DNAI1: variants seen among roughly 807,000 people sequenced by gnomAD.
DNAI1 encodes dynein axonemal intermediate chain 1, also known as dynein, axonemal, intermediate polypeptide 1.
DNAI1 carries 67 observed loss-of-function variants against 92.0 expected under a neutral mutation model. The observed-to-expected ratio is 0.73, with a 90% CI of 0.60 to 0.89. DNAI1 has a LOEUF of 0.89. DNAI1 is among the 40% of genes least tolerant of loss of function. The pLI is 0.00. For synonymous variants in DNAI1, 323 were observed against 319.6 expected, an observed-to-expected ratio of 1.01 and a Z score of -0.11; for missense variants, 839 against 866.6, an observed-to-expected ratio of 0.97 and a Z score of 0.40.
chr9:34,510,960 T>C (rs1825054995), intron 13 of DNAI1, among the ~76,000 whole-genome samples: 1 of 152,196 alleles, frequency 6.6e-6, no homozygotes, highest in African/African-American at 2.4e-5. Context: ...GAAGCTCCGA[T>C]CCACCAGGCC....
intron 1 of DNAI1, among the ~76,000 whole-genome samples, chr9:34,482,504 T>C (rs1191519554): frequency 1.4e-5 from 2 of 147,262 alleles, no homozygotes; most frequent in African/African-American, 2.6e-5. Flanking sequence ...AGAGTGCTGA[T>C]TGGTGTATTT....
intron 1 of DNAI1, among the ~76,000 whole-genome samples, chr9:34,466,176 C>G (rs543862515): frequency 6.9e-6 from 1 of 145,162 alleles, no homozygotes; most frequent in Non-Finnish European, 1.5e-5. Flanking sequence ...CTGCACTACT[C>G]TGAACACTAA....
In DNAI1 at chr9:34,492,493, G is replaced by GATAGATAGATATATATAT. The variant is rs1554688186; in HGVS notation, c.682-698_682-697insGATAGATATATATATATA. On this transcript the variant is annotated intron_variant, in intron 8 of 19. Transcript: ENST00000242317. Reference sequence around the variant, plus strand: ...TCCGGGGTGGGGGTGGGGATATGAAGATATATATATATATATATATATATA... The same window carrying GATAGATAGATATATATAT: ...TCCGGGGTGGGGGTGGGGATATGAAGATAGATAGATATATATATATATATATATATATATATATATATA... Among the ~76,000 whole-genome samples the GATAGATAGATATATATAT allele has an allele frequency of 2.1e-4, 14 of 68,268 alleles. 1 individual carries two copies. The highest frequency in any genetic ancestry group is 1.8e-4 in the Non-Finnish European group (6 of 32,734). 44.8% of individuals were successfully genotyped at this position (68,268 alleles called of 152,430 possible).
intron 12 of DNAI1, among the ~76,000 whole-genome samples, chr9:34,501,728 A>T (rs1341670313): frequency 2.1e-5 from 3 of 145,140 alleles, no homozygotes; most frequent in Non-Finnish European, 4.5e-5. Context: ...AGGGATGGAG[A>T]CCCCCCCTTC....
chr9:34,513,239 C>A, intron 16 of DNAI1, 48 bp downstream of exon 16: 2 of 1,453,392 alleles, frequency 1.4e-6, no homozygotes, highest in Non-Finnish European at 1.9e-6. Context: ...TAGACCTGAG[C>A]ACCTGGGGAG....
intron 4 of DNAI1, among the ~76,000 whole-genome samples, chr9:34,486,001 G>A (rs574298822): frequency 3.9e-5 from 6 of 152,030 alleles, no homozygotes; most frequent in African/African-American, 1.4e-4. Context: ...CAGACAGGCC[G>A]GTGACCTCCT....
chr9:34,505,754 C>A (rs1252004984), intron 12 of DNAI1, among the ~76,000 whole-genome samples: 1 of 152,162 alleles, frequency 6.6e-6, no homozygotes, highest in Non-Finnish European at 1.5e-5. Context: ...ACTGACCTGG[C>A]CTGATGCCCC....
intron 1 of DNAI1, among the ~76,000 whole-genome samples, chr9:34,466,942 C>G (rs1292936113): frequency 6.6e-6 from 1 of 152,160 alleles, no homozygotes; most frequent in Non-Finnish European, 1.5e-5. Flanking sequence ...CCCTGTAGTC[C>G]TAGTTCAAAT....
intron 1 of DNAI1, among the ~76,000 whole-genome samples, chr9:34,477,922 C>CTT (rs1824268827): frequency 4.6e-5 from 4 of 86,964 alleles, no homozygotes; most frequent in African/African-American, 1.8e-4. Flanking sequence ...CTCTCTCTCT[C>CTT]TCTTTTTTTT....
intron 1 of DNAI1, among the ~76,000 whole-genome samples, chr9:34,471,499 G>A (rs958757870): frequency 1.3e-5 from 2 of 151,606 alleles, no homozygotes; most frequent in Admixed American, 1.3e-4. Flanking sequence ...TCCAGGCACA[G>A]TGGCTCAAGC....
rs1448098755 is a variant in DNAI1 at position 34,483,486 on chromosome 9, T to C, written c.81+6T>C. 1.2e-6 allele frequency: 2 copies of C among 1,611,402 alleles called. No individual in the cohort carries two copies. The highest frequency in any genetic ancestry group is 1.1e-5 in the South Asian group (1 of 91,016). On this transcript the variant is annotated splice_donor_region_variant and intron_variant, in intron 2 of 19. Coordinates refer to ENST00000242317, the MANE Select transcript of DNAI1 (RefSeq NM_012144.4). The stretch of plus-strand genomic sequence containing the variant: ...GCAGAGGAACCAGGAAGAGAGTAAG[T>C]GCTGAGACTACCATGGTCTCTCAGC...
intron 4 of DNAI1, 48 bp from the exon 5 acceptor site, chr9:34,489,275 C>G (rs1263599999): frequency 6.2e-7 from 1 of 1,610,468 alleles, no homozygotes; most frequent in Non-Finnish European, 8.5e-7. Context: ...CATTTTGACT[C>G]CAGCTCTTTT....
chr9:34,518,553 G>A (rs1825212810), intron 19 of DNAI1, among the ~76,000 whole-genome samples: 1 of 152,270 alleles, frequency 6.6e-6, no homozygotes, highest in African/African-American at 2.4e-5. Context: ...AGGGAGTCGG[G>A]CGTGGTCTGA....
chr9:34,492,849 CTT>C (rs1824637393), intron 8 of DNAI1, among the ~76,000 whole-genome samples: 1 of 151,856 alleles, frequency 6.6e-6, no homozygotes, highest in East Asian at 1.9e-4. Flanking sequence ...AGTTCAGAGT[CTT>C]TTAAATCACC....
At chr9:34,481,889 C>T (rs1251134614) in intron 1 of DNAI1, among the ~76,000 whole-genome samples, 2 of 152,224 alleles carry the variant, frequency 1.3e-5, no homozygotes, top group Non-Finnish European at 2.9e-5. Context: ...AAAGATTCCA[C>T]AGTGTGGAAG....
rs1824534386 is a variant in DNAI1, at chr9:34,489,350, G to A, written c.289G>A (p.Val97Met). Reference sequence around the variant, plus strand: ...AGGCACATATAAGCCTATTGGCTTTGTGAACCAACTGGCAGTTCACTACAC... The same window carrying A: ...AGGCACATATAAGCCTATTGGCTTTATGAACCAACTGGCAGTTCACTACAC... ...KEGTYKPIGF[V>M]NQLAVHYTQV... The change falls in exon 5 of 20, where the codon GTG becomes ATG. Residue 97 changes from valine (V) to methionine (M), a missense_variant. By Grantham distance (21) the Val-to-Met change is conservative. Coordinates refer to ENST00000242317, the MANE Select transcript of DNAI1 (RefSeq NM_012144.4). 6.2e-7 allele frequency: 1 copy of A among 1,613,974 alleles called. No homozygotes were observed. Among genetic ancestry groups the A allele is most frequent in the African/African-American group, 1.3e-5 (1 of 74,902 alleles).
chr9:34,490,446 C>G lies in DNAI1; in HGVS notation c.579C>G (p.Asn193Lys). 1 of 1,614,214 alleles carries G rather than the reference C, an allele frequency of 6.2e-7. No individual in the cohort carries two copies. The highest frequency in any genetic ancestry group is 8.5e-7 in the Non-Finnish European group (1 of 1,180,038). ...AGAGAAAGCTCACTAACCAGTTCAA[C>G]TTCAGTGAGAGGGCCTCACAGACCT... is the stretch of plus-strand genomic sequence containing the variant. Reference protein sequence around the residue: ...PKERKLTNQFNFSERASQTYN... With the variant: ...PKERKLTNQFKFSERASQTYN... The change falls in exon 7 of 20, where the codon AAC becomes AAG. Residue 193 changes from asparagine (N) to lysine (K), a missense_variant. Asn to Lys is a moderately conservative substitution (Grantham distance 94). Transcript: ENST00000242317.
chr9:34,461,957 C>T (rs1823959166), intron 1 of DNAI1, among the ~76,000 whole-genome samples: 1 of 152,114 alleles, frequency 6.6e-6, no homozygotes, highest in South Asian at 2.1e-4. Flanking sequence ...CAGGTTAGAG[C>T]AGCAGAAAGG....
intron 1 of DNAI1, among the ~76,000 whole-genome samples, chr9:34,468,085 A>C (rs1824069967): frequency 6.6e-6 from 1 of 152,224 alleles, no homozygotes; most frequent in Admixed American, 6.5e-5. Context: ...CAGTAGAAAA[A>C]TACAATATCA....
Sources: allele counts gnomAD v4.1 joint callset (sites outside exome capture counted in the v4.1 genomes callset), GRCh38; gene constraint gnomAD v4.1.1; transcripts MANE v1.5; gene names NCBI Gene and HGNC (gene_info 2026-07-23, HGNC 2026-07-21).